The following CNOT6 variants were observed in gnomAD, a reference collection of about 807,000 sequenced individuals.
CNOT6 encodes the protein carbon catabolite repression 4 protein.
In CNOT6, 12 loss-of-function variants were observed where a neutral mutation model predicts 61.2. The ratio of observed to expected loss-of-function variants is 0.20; its 90% CI spans 0.13 to 0.32. CNOT6 has a LOEUF of 0.32. Ranked by LOEUF, CNOT6 falls within the 10% of genes least tolerant of loss-of-function variation. CNOT6 has a pLI of 1.00. For synonymous variants in CNOT6, 225 were observed against 240.6 expected (o/e 0.94, Z 0.60); for missense variants, 405 against 663.9 (o/e 0.61, Z 4.28).
At position 180,564,474 on chromosome 5, in the gene CNOT6, C is replaced by G. The variant is rs147364186; in HGVS notation, c.386-15C>G. ...TTACTTAGTTTCATTTTACTTATTT[C>G]AAAAATATTTCCAGGAAATCCCCTT... On this transcript the variant is annotated splice_polypyrimidine_tract_variant and intron_variant, in intron 4 of 11. Transcript: ENST00000261951. 337 of 1,556,902 alleles carry G rather than the reference C, an allele frequency of 2.2e-4. No individual in the cohort carries two copies. The African/African-American group carries it at 3.9e-3, about 18-fold the overall frequency.
At chr5:180,501,511 TGATA>T (rs984458628) in intron 1 of CNOT6, among the ~76,000 whole-genome samples, 1 of 152,222 alleles carries the variant, frequency 6.6e-6, no homozygotes, top group African/African-American at 2.4e-5. Flanking sequence ...GTTTGGGGTT[TGATA>T]GATTTGGTCA....
At chr5:180,554,899 A>G (rs370822096) in intron 4 of CNOT6, among the ~76,000 whole-genome samples, 21 of 152,132 alleles carry the variant, frequency 1.4e-4, no homozygotes, top group Non-Finnish European at 3.1e-4. Context: ...TTCCAATTCA[A>G]GGTTTTCCTA....
chr5:180,571,168 A>T (rs1290139745), intron 10 of CNOT6, 62 bp from the exon 11 acceptor site: 1 of 1,175,048 alleles, frequency 8.5e-7, no homozygotes, highest in African/African-American at 1.6e-5. Context: ...TTACTATTGC[A>T]TGATCTTTTA....
chr5:180,546,591 G>A (rs936886325), intron 2 of CNOT6, among the ~76,000 whole-genome samples: 3 of 152,112 alleles, frequency 2.0e-5, no homozygotes, highest in Admixed American at 1.3e-4. Context: ...TAACACCCAC[G>A]TTATCTTATT....
intron 2 of CNOT6, among the ~76,000 whole-genome samples, chr5:180,547,980 C>T (rs991449897): frequency 3.9e-5 from 6 of 152,158 alleles, no homozygotes; most frequent in Non-Finnish European, 5.9e-5. Context: ...GTGATCTGCC[C>T]GCCTCAGCTT....
chr5:180,549,625 G>A (rs1466577293), intron 2 of CNOT6, among the ~76,000 whole-genome samples: 2 of 151,964 alleles, frequency 1.3e-5, no homozygotes, highest in Admixed American at 6.6e-5. Flanking sequence ...CTCCAGCCTG[G>A]GCAACAGAGC....
Position 180,501,990 on chromosome 5 carries a change from C to T in CNOT6, c.-3+7227C>T, listed in dbSNP as rs138061851. Among the ~76,000 whole-genome samples the T allele has an allele frequency of 2.4e-3, 371 of 151,894 alleles. 2 individuals are homozygous for T. Among genetic ancestry groups the T allele is most frequent in the African/African-American group, 8.3e-3 (344 of 41,378 alleles). ...TCAGATAGTAGATTGGGCGGAGGAG[C>T]AAATGGGAGGTTAAGATGAAGAAGG... is the stretch of plus-strand genomic sequence containing the variant. On this transcript the variant is annotated intron_variant, in intron 1 of 11. Coordinates refer to ENST00000261951, the MANE Select transcript of CNOT6 (RefSeq NM_001370472.1).
At chr5:180,543,524 C>T (rs935760129) in intron 2 of CNOT6, among the ~76,000 whole-genome samples, 18 of 152,054 alleles carry the variant, frequency 1.2e-4, no homozygotes, top group African/African-American at 3.9e-4. Flanking sequence ...TCAGTATGCT[C>T]GATTCATGAT....
intron 1 of CNOT6, among the ~76,000 whole-genome samples, 159 bp downstream of exon 1, chr5:180,494,922 A>G (rs1008560371): frequency 4.0e-5 from 6 of 150,784 alleles, no homozygotes; most frequent in Non-Finnish European, 8.9e-5. Context: ...GGCCCCTTCG[A>G]CGCGCCGCGA....
chr5:180,553,994 A>G (rs1193966104), intron 4 of CNOT6, among the ~76,000 whole-genome samples: 1 of 152,234 alleles, frequency 6.6e-6, no homozygotes, highest in African/African-American at 2.4e-5. Context: ...TGAAAGTTAT[A>G]TTTTGACAGT....
intron 1 of CNOT6, among the ~76,000 whole-genome samples, chr5:180,510,551 A>G (rs1757343565): frequency 6.6e-6 from 1 of 152,184 alleles, no homozygotes; most frequent in Non-Finnish European, 1.5e-5. Context: ...ACTTGGCAAA[A>G]CAGCAGGCGA....
At chr5:180,549,695 G>T (rs1458680141) in intron 2 of CNOT6, among the ~76,000 whole-genome samples, 1 of 152,020 alleles carries the variant, frequency 6.6e-6, no homozygotes, top group East Asian at 1.9e-4. Context: ...AAATAAAGAT[G>T]CACTCTAAGT....
chr5:180,537,799 T>TCG (rs1758773687), intron 2 of CNOT6, among the ~76,000 whole-genome samples: 1 of 75,980 alleles, frequency 1.3e-5, no homozygotes, highest in African/African-American at 4.4e-5. Flanking sequence ...TTCCTCTTTC[T>TCG]CTCTCTTTTT....
intron 1 of CNOT6, among the ~76,000 whole-genome samples, chr5:180,502,677 T>TTAGC (rs70973917): frequency 0.46 from 69,262 of 151,782 alleles, 16,984 homozygotes; most frequent in Non-Finnish European, 0.56. Flanking sequence ...TTACAGGTGA[T>TTAGC]TAGGTGCATT....
chr5:180,495,089 G>A (rs931142755), intron 1 of CNOT6, among the ~76,000 whole-genome samples: 1 of 152,216 alleles, frequency 6.6e-6, no homozygotes, highest in Admixed American at 6.5e-5. Context: ...GCGAGTCCGT[G>A]TCCCGGGACT....
intron 2 of CNOT6, 50 bp downstream of exon 2, chr5:180,529,438 T>A: frequency 1.8e-6 from 2 of 1,081,794 alleles, no homozygotes; most frequent in Non-Finnish European, 2.8e-6. Flanking sequence ...GATATGGTAG[T>A]AAACTGAGTT....
At chr5:180,500,233 C>T (rs527376833) in intron 1 of CNOT6, among the ~76,000 whole-genome samples, 29 of 151,952 alleles carry the variant, frequency 1.9e-4, no homozygotes, top group Non-Finnish European at 3.4e-4. Flanking sequence ...ACCCGAGCCT[C>T]CTGAGTACCT....
intron 1 of CNOT6, among the ~76,000 whole-genome samples, chr5:180,512,246 CTG>C (rs1041329843): frequency 2.6e-5 from 4 of 152,208 alleles, no homozygotes; most frequent in Admixed American, 6.5e-5. Flanking sequence ...AGCAGACCCA[CTG>C]TGGAGGCTAG....
chr5:180,564,353 C>G (rs1472061704), intron 4 of CNOT6, 136 bp from the exon 5 acceptor site: 2 of 647,760 alleles, frequency 3.1e-6, no homozygotes, highest in African/African-American at 3.7e-5. Context: ...ACTGAAAAAA[C>G]AATATTTTCT....
Sources: allele counts gnomAD v4.1 joint callset (sites outside exome capture counted in the v4.1 genomes callset), GRCh38; gene constraint gnomAD v4.1.1; transcripts MANE v1.5; gene names NCBI Gene and HGNC (gene_info 2026-07-23, HGNC 2026-07-21).